Variants in RABGAP1L observed in about 807,000 individuals in gnomAD.
RABGAP1L encodes the protein rab GTPase-activating protein 1-like.
In RABGAP1L, 63 loss-of-function variants were observed where a neutral mutation model predicts 137.7. That is an observed-to-expected ratio of 0.46 (90% CI 0.37 to 0.56). The LOEUF is 0.56. Ranked by LOEUF, RABGAP1L falls within the 20% of genes least tolerant of loss-of-function variation. The pLI is 0.00. For synonymous variants in RABGAP1L, 431 were observed against 433.7 expected, an observed-to-expected ratio of 0.99 and a Z score of 0.08; for missense variants, 1,095 against 1,244.0, an observed-to-expected ratio of 0.88 and a Z score of 1.80.
intron 13 of RABGAP1L, among the ~76,000 whole-genome samples, chr1:174,404,254 G>A (rs1325495984): frequency 1.3e-5 from 2 of 152,188 alleles, no homozygotes; most frequent in Admixed American, 6.6e-5. Flanking sequence ...ACAGAGGAGA[G>A]AATATCTGAG....
rs578116520 is a variant in RABGAP1L, at chr1:174,732,693, A to G, written c.2170-19620A>G. Among the ~76,000 whole-genome samples, 84 of 152,322 alleles carry G rather than the reference A, an allele frequency of 5.5e-4. 1 individual carries two copies. The highest frequency in any genetic ancestry group is 3.4e-3 in the Middle Eastern group (1 of 294). On this transcript the variant is annotated intron_variant, in intron 17 of 25. Coordinates refer to ENST00000681986, the MANE Select transcript of RABGAP1L (RefSeq NM_001366446.1). ...TATAGTAAAAAGAACAGCAGCAGTT[A>G]GGTGTGAGGCAAATCCACACAATGA...
chr1:174,616,518 G>C (rs1033641515), intron 13 of RABGAP1L, among the ~76,000 whole-genome samples: 10 of 152,140 alleles, frequency 6.6e-5, no homozygotes, highest in African/African-American at 2.4e-4. Context: ...AATTGGTCAT[G>C]GTCGACCTAG....
At chr1:174,617,703 C>G (rs942075038) in intron 13 of RABGAP1L, among the ~76,000 whole-genome samples, 22 of 152,228 alleles carry the variant, frequency 1.4e-4, no homozygotes, top group African/African-American at 4.8e-4. Flanking sequence ...ACCTGTTGAT[C>G]CTGAAGGATT....
chr1:174,896,385 G>A (rs1304584234), intron 19 of RABGAP1L, among the ~76,000 whole-genome samples: 7 of 152,214 alleles, frequency 4.6e-5, no homozygotes, highest in African/African-American at 1.4e-4. Context: ...CCCATTCTGT[G>A]GGTTGCCTAT....
chr1:174,880,394 G>T (rs557516026), intron 19 of RABGAP1L, among the ~76,000 whole-genome samples: 1 of 151,940 alleles, frequency 6.6e-6, no homozygotes, highest in Admixed American at 6.5e-5. Context: ...CACTTTGGGA[G>T]GCCAATGCAA....
intron 17 of RABGAP1L, among the ~76,000 whole-genome samples, chr1:174,702,481 G>T (rs571038487): frequency 2.6e-5 from 4 of 152,060 alleles, no homozygotes; most frequent in African/African-American, 7.2e-5. Context: ...AGTAAAATGG[G>T]TGATTAAATT....
chr1:174,800,310 T>G, intron 18 of RABGAP1L: 1 of 1,543,634 alleles, frequency 6.5e-7, no homozygotes, highest in Non-Finnish European at 8.7e-7. Flanking sequence ...ATCTTTCTCA[T>G]TCTGGATACC....
At chr1:174,935,801 G>T (rs1375520197) in intron 19 of RABGAP1L, among the ~76,000 whole-genome samples, 2 of 152,034 alleles carry the variant, frequency 1.3e-5, no homozygotes, top group African/African-American at 4.8e-5. Context: ...GGGCAACACA[G>T]TGAAACCCCG....
chr1:174,722,155 C>T (rs1390970225), intron 17 of RABGAP1L, among the ~76,000 whole-genome samples: 1 of 152,104 alleles, frequency 6.6e-6, no homozygotes, highest in Non-Finnish European at 1.5e-5. Flanking sequence ...TGGTCCCCAT[C>T]TCCTGACCTT....
chr1:174,405,565 A>G (rs961830210), intron 13 of RABGAP1L, among the ~76,000 whole-genome samples: 8 of 152,248 alleles, frequency 5.3e-5, no homozygotes, highest in African/African-American at 1.9e-4. Flanking sequence ...CAGAAAATGT[A>G]TAGTTACTAA....
chr1:174,558,742 G>A (rs923728495), intron 13 of RABGAP1L, among the ~76,000 whole-genome samples: 2 of 152,098 alleles, frequency 1.3e-5, no homozygotes, highest in Non-Finnish European at 2.9e-5. Flanking sequence ...TAGTACCATG[G>A]TGTTGGGAGG....
intron 19 of RABGAP1L, chr1:174,892,645 T>C (rs906334296): frequency 3.7e-6 from 2 of 536,170 alleles, no homozygotes; most frequent in South Asian, 1.4e-5. Context: ...ATGAGGCTGC[T>C]AAAGCTGATC....
intron 13 of RABGAP1L, among the ~76,000 whole-genome samples, chr1:174,504,135 G>A (rs190300870): frequency 2.6e-3 from 402 of 151,948 alleles, no homozygotes; most frequent in Non-Finnish European, 4.1e-3. Flanking sequence ...ACCATGCCTG[G>A]CTAATTTTTG....
At chr1:174,702,642 A>G (rs780342022) in intron 17 of RABGAP1L, among the ~76,000 whole-genome samples, 63 of 152,174 alleles carry the variant, frequency 4.1e-4, no homozygotes, top group Non-Finnish European at 7.5e-4. Flanking sequence ...TGAGATTTTT[A>G]TAATAACTAA....
chr1:174,451,497 T>A (rs959029171), intron 13 of RABGAP1L, among the ~76,000 whole-genome samples: 3 of 152,206 alleles, frequency 2.0e-5, no homozygotes, highest in African/African-American at 7.2e-5. Context: ...ATAATAGTTA[T>A]TATTTCCACT....
At chr1:174,250,724 T>C in intron 6 of RABGAP1L, 92 bp downstream of exon 6, 1 of 1,158,798 alleles carries the variant, frequency 8.6e-7, no homozygotes, top group African/African-American at 1.6e-5. Flanking sequence ...AGTGTTGGCA[T>C]AAAGCCTCAA....
At chr1:174,932,558 CT>C (rs1426806411) in intron 19 of RABGAP1L, among the ~76,000 whole-genome samples, 28 of 152,230 alleles carry the variant, frequency 1.8e-4, no homozygotes, top group African/African-American at 6.5e-4. Context: ...GATGCTTACT[CT>C]GATCATTTGA....
chr1:174,980,517 TAAA>T (rs1671004900), intron 23 of RABGAP1L, among the ~76,000 whole-genome samples: 1 of 152,012 alleles, frequency 6.6e-6, no homozygotes, highest in Admixed American at 6.6e-5. Context: ...TCTGTAGAGA[TAAA>T]GAAGATAAAG....
chr1:174,436,157 T>C (rs1261709320), intron 13 of RABGAP1L, among the ~76,000 whole-genome samples: 1 of 152,244 alleles, frequency 6.6e-6, no homozygotes, highest in Non-Finnish European at 1.5e-5. Context: ...TTATAATCCT[T>C]TGGGTATATA....
Sources: gnomAD v4.1 joint callset for allele counts (sites outside exome capture counted in the v4.1 genomes callset) on GRCh38, gnomAD v4.1.1 for gene constraint, MANE v1.5 for transcripts, NCBI Gene and HGNC (gene_info 2026-07-23, HGNC 2026-07-21) for gene names.